The following SH3D19 variants were observed in gnomAD, a reference collection of about 807,000 sequenced individuals.
The protein encoded by SH3D19 is SH3 domain-containing protein 19.
SH3D19 carries 58 observed loss-of-function variants against 112.1 expected under a neutral mutation model. The ratio of observed to expected loss-of-function variants is 0.52; its 90% confidence interval spans 0.42 to 0.64. The LOEUF is 0.64. Among genes scored for constraint, SH3D19 ranks in the 30% least tolerant of loss-of-function variants. SH3D19 has a pLI of 0.00. For synonymous variants in SH3D19, 391 were observed against 448.5 expected (o/e 0.87, Z 1.62); for missense variants, 1,090 against 1,263.4 (o/e 0.86, Z 2.08).
chr4:151,308,284 G>A (rs1182639430), intron 1 of SH3D19, among the ~76,000 whole-genome samples: 1 of 152,228 alleles, frequency 6.6e-6, no homozygotes, highest in East Asian at 1.9e-4. Flanking sequence ...ACTGTTCTGA[G>A]TTATGAGGGA....
At chr4:151,187,684 T>C (rs1762011265) in intron 2 of SH3D19, among the ~76,000 whole-genome samples, 2 of 152,222 alleles carry the variant, frequency 1.3e-5, no homozygotes, top group African/African-American at 4.8e-5. Context: ...AGTAAAATTT[T>C]GCCTTAAAAT....
chr4:151,228,476 A>T (rs980387575), intron 1 of SH3D19, among the ~76,000 whole-genome samples: 1 of 152,124 alleles, frequency 6.6e-6, no homozygotes, highest in African/African-American at 2.4e-5. Context: ...CATATAAATA[A>T]TGGGGTGTGT....
chr4:151,242,294 A>T (rs1466655598), intron 1 of SH3D19, among the ~76,000 whole-genome samples: 1 of 152,224 alleles, frequency 6.6e-6, no homozygotes, highest in South Asian at 2.1e-4. Context: ...GGCCAACAAG[A>T]TCTATGCCAA....
rs78715609 is a variant in SH3D19, at chr4:151,126,871, G to GA, written c.3027+746dup. Among the ~76,000 whole-genome samples the GA allele has an allele frequency of 1.4e-3, 150 of 110,736 alleles. 1 individual carries two copies. The highest frequency in any genetic ancestry group is 3.8e-3 in the African/African-American group (113 of 29,432). The allele number at this position is 110,736 out of a possible 152,430, so 72.6% of individuals were successfully genotyped here. On this transcript the variant is annotated intron_variant, in intron 19 of 19. Transcript: ENST00000604030. ...AGAAGAAATTAGGCATTTCTTCGGTGAAAAAAAAAAAAAAAAAAACCTTTG... is the reference window on the plus strand; with the variant it reads ...AGAAGAAATTAGGCATTTCTTCGGTGAAAAAAAAAAAAAAAAAAAACCTTTG...
intron 1 of SH3D19, among the ~76,000 whole-genome samples, chr4:151,270,208 C>T (rs568391016): frequency 5.9e-5 from 9 of 152,130 alleles, no homozygotes; most frequent in Non-Finnish European, 4.4e-5. Flanking sequence ...ACTCAAATCT[C>T]ATGTTGAATT....
intron 1 of SH3D19, among the ~76,000 whole-genome samples, chr4:151,287,137 T>C (rs1032072769): frequency 6.6e-6 from 1 of 151,420 alleles, no homozygotes; most frequent in Non-Finnish European, 1.5e-5. Flanking sequence ...TGTCAGGAGT[T>C]TGGGACCAGC....
At chr4:151,220,050 G>C (rs1303889833) in intron 2 of SH3D19, among the ~76,000 whole-genome samples, 2 of 152,164 alleles carry the variant, frequency 1.3e-5, no homozygotes, top group Non-Finnish European at 2.9e-5. Context: ...GATCCGTAAT[G>C]CTGCCTCTAT....
rs1580275923 is a variant in SH3D19, at chr4:151,227,933, A to G, written c.113-1847T>C. The G allele has an allele frequency of 3.0e-6, 3 of 985,446 alleles. No individual in the cohort carries two copies. The South Asian group carries it at 1.4e-4, about 46-fold the overall frequency. 61.0% of individuals were successfully genotyped at this position (985,446 alleles called of 1,614,324 possible). A position where few individuals can be genotyped will look rare whatever the true frequency, so the allele number is the denominator to read the frequency against. On this transcript the variant is annotated intron_variant, in intron 1 of 19. Transcript: ENST00000604030. ...GTCACGATGCATGTAAACAAGACTC[A>G]GTATCCAAGGGCTTCCCTCCAGGGC... is the stretch of plus-strand genomic sequence containing the variant.
intron 1 of SH3D19, among the ~76,000 whole-genome samples, chr4:151,258,126 G>A (rs191979523): frequency 6.6e-6 from 1 of 152,216 alleles, no homozygotes; most frequent in East Asian, 1.9e-4. Context: ...TCTCCCACTA[G>A]ATGTAAACTC....
chr4:151,234,632 AT>A (rs1769867402), intron 1 of SH3D19, among the ~76,000 whole-genome samples: 1 of 152,040 alleles, frequency 6.6e-6, no homozygotes, highest in Non-Finnish European at 1.5e-5. Flanking sequence ...TTAAGGAGGT[AT>A]AAAAAGACCT....
chr4:151,275,491 T>C (rs577597020), intron 1 of SH3D19, among the ~76,000 whole-genome samples: 1 of 152,312 alleles, frequency 6.6e-6, no homozygotes, highest in South Asian at 2.1e-4. Context: ...TGCCTGTAAC[T>C]GAATAGTTCT....
chr4:151,237,445 G>A (rs982157174), intron 1 of SH3D19, among the ~76,000 whole-genome samples: 1 of 152,142 alleles, frequency 6.6e-6, no homozygotes, highest in Non-Finnish European at 1.5e-5. Flanking sequence ...TACTACTGGG[G>A]TGTGCCTGCA....
intron 1 of SH3D19, among the ~76,000 whole-genome samples, chr4:151,281,177 G>A (rs1774188500): frequency 6.6e-6 from 1 of 152,198 alleles, no homozygotes. Flanking sequence ...AGATAGTATT[G>A]ATAGAATGCC....
intron 1 of SH3D19, among the ~76,000 whole-genome samples, chr4:151,301,479 A>C (rs113119211): frequency 0.021 from 3,238 of 152,246 alleles, 124 homozygotes; most frequent in African/African-American, 0.074. Context: ...CGCCCGCCTC[A>C]GCCTCCCAAA....
At chr4:151,188,435 CT>C (rs1159261571) in intron 2 of SH3D19, among the ~76,000 whole-genome samples, 7 of 152,118 alleles carry the variant, frequency 4.6e-5, no homozygotes, top group Non-Finnish European at 8.8e-5. Context: ...TTTAGGATTT[CT>C]TTTTATTTTG....
At chr4:151,242,136 G>A (rs1056324609) in intron 1 of SH3D19, among the ~76,000 whole-genome samples, 1 of 151,704 alleles carries the variant, frequency 6.6e-6, no homozygotes, top group Non-Finnish European at 1.5e-5. Flanking sequence ...GGCTCCAGTG[G>A]AGCATACCAC....
intron 9 of SH3D19, among the ~76,000 whole-genome samples, chr4:151,154,485 G>A (rs1183928840): frequency 2.0e-5 from 3 of 151,988 alleles, no homozygotes; most frequent in South Asian, 2.1e-4. Context: ...TCACCATGTT[G>A]GCCAGGCTGG....
intron 2 of SH3D19, among the ~76,000 whole-genome samples, chr4:151,208,741 G>A (rs1444741267): frequency 3.4e-5 from 5 of 147,724 alleles, no homozygotes; most frequent in Admixed American, 6.9e-5. Context: ...GCAGTGGCAT[G>A]ATCTCAGCTC....
At chr4:151,320,279 G>A (rs902538063) in intron 1 of SH3D19, among the ~76,000 whole-genome samples, 2 of 152,174 alleles carry the variant, frequency 1.3e-5, no homozygotes, top group Admixed American at 6.5e-5. Flanking sequence ...TCCAGATGTT[G>A]GGAGGAGGAT....
Sources: allele counts gnomAD v4.1 joint callset (sites outside exome capture counted in the v4.1 genomes callset), GRCh38; gene constraint gnomAD v4.1.1; transcripts MANE v1.5; gene names NCBI Gene and HGNC (gene_info 2026-07-23, HGNC 2026-07-21).